The following SOCS5 variants were observed in gnomAD, a reference collection of about 807,000 sequenced individuals.
SOCS5 encodes suppressor of cytokine signaling 5, also known as CIS-6.
A neutral mutation model predicts 42.8 loss-of-function variants in SOCS5; 32 were observed. The observed-to-expected ratio is 0.75, with a 90% CI of 0.56 to 1.01. SOCS5 has a LOEUF of 1.01. Ranked by LOEUF, SOCS5 falls within the 50% of genes least tolerant of loss-of-function variation. SOCS5 has a pLI of 0.00. For synonymous variants in SOCS5, 283 were observed against 229.6 expected, an observed-to-expected ratio of 1.23 and a Z score of -2.10; for missense variants, 627 against 653.0, an observed-to-expected ratio of 0.96 and a Z score of 0.43.
At chr2:46,735,635 A>T (rs1186708270) in intron 1 of SOCS5, among the ~76,000 whole-genome samples, 1 of 152,024 alleles carries the variant, frequency 6.6e-6, no homozygotes, top group East Asian at 1.9e-4. Flanking sequence ...TATCTCTAGC[A>T]CTTTACATAA....
rs758847494 is a variant in SOCS5 at position 46,758,852 on chromosome 2, C to G, written c.322C>G (p.Leu108Val). 3.1e-6 allele frequency: 5 copies of G among 1,613,938 alleles called. No homozygotes were observed. The highest frequency in any genetic ancestry group is 1.3e-5 in the African/African-American group (1 of 75,034). The change falls in exon 2 of 2, where the codon CTT (leucine) becomes GTT (valine). Residue 108 changes from leucine (L) to valine (V), a missense_variant. This residue lies in a region of SOCS5 where 278 missense variants were observed against 246.3 expected (regional missense o/e 1.13). Coordinates refer to ENST00000394861, the MANE Select transcript of SOCS5 (RefSeq NM_144949.3). The part of the protein sequence containing the change: ...NDSCVTPGTR[L>V]ARRDSYSRHA... ...TTCTTGTGTTACCCCAGGAACAAGA[C>G]TTGCACGAAGAGATTCCTACTCTCG...
intron 1 of SOCS5, among the ~76,000 whole-genome samples, chr2:46,755,225 G>C (rs572051109): frequency 1.3e-5 from 2 of 152,068 alleles, no homozygotes; most frequent in African/African-American, 4.8e-5. Context: ...AAGTATAATA[G>C]TTCTCTCTCA....
chr2:46,754,072 G>A (rs1403881593), intron 1 of SOCS5, among the ~76,000 whole-genome samples: 1 of 152,094 alleles, frequency 6.6e-6, no homozygotes, highest in East Asian at 1.9e-4. Context: ...CCCTAGGAAT[G>A]CAGCCCAGTA....
At chr2:46,706,198 A>G (rs985887643) in intron 1 of SOCS5, among the ~76,000 whole-genome samples, 2 of 152,188 alleles carry the variant, frequency 1.3e-5, no homozygotes, top group Non-Finnish European at 2.9e-5. Context: ...TAATTCTCTT[A>G]GTTCAGAAAG....
intron 1 of SOCS5, among the ~76,000 whole-genome samples, chr2:46,734,001 G>A (rs1290140365): frequency 2.0e-5 from 3 of 152,158 alleles, no homozygotes; most frequent in East Asian, 3.9e-4. Context: ...AGTACTTAAC[G>A]GAGAGTTAGA....
At chr2:46,748,395 C>T (rs996314414) in intron 1 of SOCS5, among the ~76,000 whole-genome samples, 25 of 152,042 alleles carry the variant, frequency 1.6e-4, no homozygotes, top group African/African-American at 6.0e-4. Flanking sequence ...GTCTGTTGCT[C>T]AGGCTGGTCT....
At chr2:46,731,480 T>G (rs928250411) in intron 1 of SOCS5, among the ~76,000 whole-genome samples, 2 of 152,186 alleles carry the variant, frequency 1.3e-5, no homozygotes, top group Non-Finnish European at 2.9e-5. Context: ...CAGAAAATAC[T>G]AATACTAAGA....
chr2:46,748,231 G>A (rs186333156), intron 1 of SOCS5, among the ~76,000 whole-genome samples: 6 of 149,392 alleles, frequency 4.0e-5, no homozygotes, highest in African/African-American at 1.5e-4. Context: ...TGTCACCCAG[G>A]CTGGAGTGCA....
Position 46,713,846 on chromosome 2 carries a change from T to A in SOCS5, c.-13+14397T>A, listed in dbSNP as rs541667685. ...CTGCATCCCACAGATATTGATATGA[T>A]TTAATTATTATTCCATTCAAAATAT... On this transcript the variant is annotated intron_variant, in intron 1 of 1. Coordinates refer to ENST00000394861, the MANE Select transcript of SOCS5 (RefSeq NM_144949.3). 7.7e-4 allele frequency among the ~76,000 whole-genome samples: 118 copies of A among 152,342 alleles called. 1 individual carries two copies. The highest frequency in any genetic ancestry group is 2.8e-3 in the African/African-American group (115 of 41,596).
At chr2:46,717,153 A>G (rs1672765733) in intron 1 of SOCS5, among the ~76,000 whole-genome samples, 1 of 152,090 alleles carries the variant, frequency 6.6e-6, no homozygotes, top group Admixed American at 6.6e-5. Flanking sequence ...TCTCTGTGTA[A>G]CTTCTTCCTT....
chr2:46,705,492 G>A (rs1672442294), intron 1 of SOCS5, among the ~76,000 whole-genome samples: 1 of 152,218 alleles, frequency 6.6e-6, no homozygotes, highest in African/African-American at 2.4e-5. Context: ...ATTGTTGAAG[G>A]ACAGTGTGAA....
rs1471442672 is a variant in SOCS5, at chr2:46,699,352, AG to A, written c.-107del. 1 of 152,006 alleles carries A rather than the reference AG, an allele frequency of 6.6e-6. No individual in the cohort carries two copies. The highest frequency in any genetic ancestry group is 1.5e-5 in the Non-Finnish European group (1 of 67,958). The allele number at this position is 152,006 out of a possible 1,614,324, so 9.4% of individuals were successfully genotyped here. On this transcript the variant is annotated 5_prime_UTR_variant, in exon 1 of 2. Coordinates refer to ENST00000394861, the MANE Select transcript of SOCS5 (RefSeq NM_144949.3). The surrounding 1 kb of genome is among the most constrained non-coding windows in gnomAD (Gnocchi z 4.8). The stretch of plus-strand genomic sequence containing the variant: ...AGTCGGAGGGGACGGGACGCACCGG[AG>A]GGCAGGCGGACTCGCCCTGTCGGTG...
chr2:46,759,793 C>T lies in SOCS5; in HGVS notation c.1263C>T (p.Arg421=). ...ACCTCTTCTCTGTGAGCTTCCGCCG[C>T]TACAACAGATCCCTGCATGCCCGAA... The part of the protein sequence containing the change: ...EDYLFSVSFR[R]YNRSLHARIE... The change falls in exon 2 of 2, where the codon CGC becomes CGT. Residue 421 remains arginine (R), a synonymous_variant. Coordinates refer to ENST00000394861, the MANE Select transcript of SOCS5 (RefSeq NM_144949.3). The T allele has an allele frequency of 1.2e-6, 2 of 1,614,174 alleles. No individual in the cohort carries two copies. Among genetic ancestry groups the T allele is most frequent in the Non-Finnish European group, 8.5e-7 (1 of 1,180,020 alleles).
At position 46,762,894 on chromosome 2, in the gene SOCS5, CCCTT is replaced by C. The variant is rs1472786533; in HGVS notation, c.*2756_*2759del. On this transcript the variant is annotated 3_prime_UTR_variant, in exon 2 of 2. Transcript: ENST00000394861. Reference sequence around the variant, plus strand: ...CCCTTACACACACACACACACCTCTCCCTTCCGCATACATATAAGTGTGTATTAT... The same window carrying C: ...CCCTTACACACACACACACACCTCTCCCGCATACATATAAGTGTGTATTAT... 6.0e-6 allele frequency: 1 copy of C among 166,882 alleles called. No homozygotes were observed. Among genetic ancestry groups the C allele is most frequent in the Non-Finnish European group, 1.5e-5 (1 of 68,068 alleles). The allele number at this position is 166,882 out of a possible 1,614,324, so 10.3% of individuals were successfully genotyped here.
intron 1 of SOCS5, among the ~76,000 whole-genome samples, chr2:46,709,590 C>G (rs955371878): frequency 1.3e-5 from 2 of 152,048 alleles, no homozygotes; most frequent in African/African-American, 4.8e-5. Context: ...AGTAATAGAA[C>G]ATTAAGGGTG....
chr2:46,758,587 C>T lies in SOCS5; in HGVS notation c.57C>T (p.Phe19=), dbSNP rs41395245. ...TCAAATACAGGTGTCAGAATCTCTT[C>T]GGTCATGAGGGAGGAAGCCGTAGTG... ...NNFKYRCQNL[F]GHEGGSRSEN... Residue 19 remains phenylalanine, a synonymous_variant, in exon 2 of 2, where the codon TTC becomes TTT. Transcript: ENST00000394861. 2.8e-3 allele frequency: 4,555 copies of T among 1,611,998 alleles called. 17 individuals are homozygous for T. Among genetic ancestry groups the T allele is most frequent in the Non-Finnish European group, 3.4e-3 (3,969 of 1,179,084 alleles).
At chr2:46,734,026 A>G (rs1470301035) in intron 1 of SOCS5, among the ~76,000 whole-genome samples, 1 of 152,208 alleles carries the variant, frequency 6.6e-6, no homozygotes, top group Non-Finnish European at 1.5e-5. Context: ...AATAATGGAA[A>G]CGTTGTGGGA....
intron 1 of SOCS5, among the ~76,000 whole-genome samples, chr2:46,707,080 G>T (rs148972071): frequency 6.6e-6 from 1 of 152,270 alleles, no homozygotes; most frequent in East Asian, 1.9e-4. Flanking sequence ...GAAAATTTAG[G>T]TGGCAGGACT....
intron 1 of SOCS5, among the ~76,000 whole-genome samples, chr2:46,747,896 G>A (rs1446397324): frequency 6.6e-6 from 1 of 152,150 alleles, no homozygotes; most frequent in African/African-American, 2.4e-5. Flanking sequence ...TTCAGATTCT[G>A]AGCTTTTGAT....
Sources: gnomAD v4.1 joint callset for allele counts (sites outside exome capture counted in the v4.1 genomes callset) on GRCh38, gnomAD v4.1.1 for gene constraint, gnomAD v4.1.1 regional missense constraint, Gnocchi (gnomAD v3.1) non-coding constraint, MANE v1.5 for transcripts, NCBI Gene and HGNC (gene_info 2026-07-23, HGNC 2026-07-21) for gene names.